The following NTRK2 variants were observed in gnomAD, a reference collection of about 807,000 sequenced individuals.
The protein encoded by NTRK2 is BDNF/NT-3 growth factors receptor.
A neutral mutation model predicts 94.5 loss-of-function variants in NTRK2; 13 were observed. The observed-to-expected ratio is 0.14, with a 90% confidence interval of 0.09 to 0.22. The LOEUF (loss-of-function observed/expected upper bound fraction) is 0.22, where lower values mean the gene tolerates loss of function less well. Ranked by LOEUF, NTRK2 falls within the 10% of genes least tolerant of loss-of-function variation. The probability of loss-of-function intolerance (pLI) is 1.00; values close to 1 mark genes in which losing one functional copy is unlikely to be tolerated. For missense variants in NTRK2, 639 were observed against 1,071.2 expected, an observed-to-expected ratio of 0.60 and a Z score of 5.63; for synonymous variants, 372 against 407.4, an observed-to-expected ratio of 0.91 and a Z score of 1.05.
At chr9:84,906,183 G>A (rs1036633881) in intron 14 of NTRK2, among the ~76,000 whole-genome samples, 3 of 152,082 alleles carry the variant, frequency 2.0e-5, no homozygotes, top group Admixed American at 2.0e-4. Flanking sequence ...AATGTGTAAA[G>A]AGGAAAAAAT....
At chr9:84,995,909 C>A (rs1379159266) in intron 17 of NTRK2, among the ~76,000 whole-genome samples, 5 of 152,180 alleles carry the variant, frequency 3.3e-5, no homozygotes, top group Non-Finnish European at 7.4e-5. Flanking sequence ...CATATGGATT[C>A]TTGAGAACCT....
intron 10 of NTRK2, among the ~76,000 whole-genome samples, chr9:84,744,666 A>G (rs924863734): frequency 2.0e-4 from 31 of 152,170 alleles, no homozygotes; most frequent in Non-Finnish European, 8.8e-5. Flanking sequence ...TACTTGTTTT[A>G]AATATGCCAT....
rs144608563 is a variant in NTRK2 at position 84,948,338 on chromosome 9, G to A, written c.1765-124G>A. On this transcript the variant is annotated intron_variant, in intron 15 of 18. Transcript: ENST00000277120. ...TTATTCCTCAGTTATTAGCACAAAT[G>A]TTATTTCCTTAGGAACTAGGCTGTT... The A allele has an allele frequency of 8.5e-4, 850 of 1,004,152 alleles. 4 individuals carry two copies. Among genetic ancestry groups the A allele is most frequent in the Middle Eastern group, 3.9e-3 (19 of 4,928 alleles). The allele number at this position is 1,004,152 out of a possible 1,614,324, so 62.2% of individuals were successfully genotyped here.
At chr9:84,954,363 C>T (rs1279288076) in intron 16 of NTRK2, among the ~76,000 whole-genome samples, 3 of 152,192 alleles carry the variant, frequency 2.0e-5, no homozygotes, top group Admixed American at 2.0e-4. Flanking sequence ...CGCGGATCCT[C>T]CCACCCTTGC....
chr9:84,776,500 G>A (rs367896919), intron 12 of NTRK2, among the ~76,000 whole-genome samples: 105 of 152,326 alleles, frequency 6.9e-4, no homozygotes, highest in African/African-American at 2.3e-3. Flanking sequence ...GGGATTACAG[G>A]TGTGAGCCAC....
chr9:84,712,899 A>G (rs2061499573), intron 6 of NTRK2, among the ~76,000 whole-genome samples: 1 of 151,992 alleles, frequency 6.6e-6, no homozygotes, highest in South Asian at 2.1e-4. Flanking sequence ...CTTATTTTCC[A>G]TTTTTTCAAT....
At chr9:84,961,045 G>A (rs1033088754) in intron 17 of NTRK2, among the ~76,000 whole-genome samples, 3 of 152,142 alleles carry the variant, frequency 2.0e-5, no homozygotes, top group Admixed American at 1.3e-4. Context: ...AGGAATATAG[G>A]ACCATCCCTA....
At chr9:84,874,630 G>T in intron 14 of NTRK2, 1 of 1,061,760 alleles carries the variant, frequency 9.4e-7, no homozygotes, top group African/African-American at 1.6e-5. Flanking sequence ...GAAGGAAATG[G>T]GGAGAGAGCT....
Position 84,670,567 on chromosome 9 carries a change from C to CT in NTRK2, c.-181dup. 1.5e-6 allele frequency: 1 copy of CT among 657,032 alleles called. No homozygotes were observed. The highest frequency in any genetic ancestry group is 2.7e-6 in the Non-Finnish European group (1 of 374,942). The allele number at this position is 657,032 out of a possible 1,614,324, so 40.7% of individuals were successfully genotyped here. ...CCGGGGCCACTGTGAACCCTGCCGCCTGCCGGAACACTCTTCGCTCCGGAC... is the reference window on the plus strand; with the variant it reads ...CCGGGGCCACTGTGAACCCTGCCGCCTTGCCGGAACACTCTTCGCTCCGGAC... On this transcript the variant is annotated 5_prime_UTR_variant, in exon 2 of 19. Transcript: ENST00000277120.
intron 14 of NTRK2, among the ~76,000 whole-genome samples, chr9:84,931,881 G>A (rs990515502): frequency 6.6e-6 from 1 of 152,070 alleles, no homozygotes; most frequent in African/African-American, 2.4e-5. Flanking sequence ...AATTACATTT[G>A]TGTCTTTATA....
rs1210342534 is a variant in NTRK2, at chr9:85,025,732, T to C, written c.*4295T>C. 1 of 233,126 alleles carries C rather than the reference T, an allele frequency of 4.3e-6. No individual in the cohort carries two copies. The highest frequency in any genetic ancestry group is 8.5e-6 in the Non-Finnish European group (1 of 118,006). 14.4% of individuals were successfully genotyped at this position (233,126 alleles called of 1,614,324 possible). A position where few individuals can be genotyped will look rare whatever the true frequency, so the allele number is the denominator to read the frequency against. Reference sequence around the variant, plus strand: ...GACTTTTATTTTCAATGTTGACCTTTGGTTTGGCCATATATCACTGTTATA... The same window carrying C: ...GACTTTTATTTTCAATGTTGACCTTCGGTTTGGCCATATATCACTGTTATA... On this transcript the variant is annotated 3_prime_UTR_variant, in exon 19 of 19. Coordinates refer to ENST00000277120, the MANE Select transcript of NTRK2 (RefSeq NM_006180.6).
chr9:84,761,377 T>C (rs926423456), intron 12 of NTRK2, among the ~76,000 whole-genome samples: 11 of 152,174 alleles, frequency 7.2e-5, no homozygotes, highest in African/African-American at 2.7e-4. Flanking sequence ...TTGTCAACTT[T>C]AGAAGTCCTG....
chr9:84,707,167 A>G (rs1564095008), intron 4 of NTRK2, among the ~76,000 whole-genome samples: 1 of 151,408 alleles, frequency 6.6e-6, no homozygotes, highest in East Asian at 1.9e-4. Context: ...GTAAATTATT[A>G]TTTTTTTTAG....
intron 17 of NTRK2, among the ~76,000 whole-genome samples, chr9:85,007,967 CCTT>C (rs1354793505): frequency 6.6e-6 from 1 of 152,142 alleles, no homozygotes. Flanking sequence ...GTGGCTAACA[CCTT>C]CTTCACAGAA....
rs536698982 is a variant in NTRK2 at position 84,727,979 on chromosome 9, G to T, written c.1159+20G>T. On this transcript the variant is annotated intron_variant, in intron 9 of 18. Coordinates refer to ENST00000277120, the MANE Select transcript of NTRK2 (RefSeq NM_006180.6). ...ACGATGGTGAGTAACTGACACTTTT[G>T]TATGTGGGGAGAAGATAAAGTCTAT... The T allele has an allele frequency of 6.2e-7, 1 of 1,607,904 alleles. No homozygotes were observed. Among genetic ancestry groups the T allele is most frequent in the South Asian group, 1.1e-5 (1 of 90,898 alleles).
chr9:84,699,431 T>C (rs989896172), intron 2 of NTRK2, among the ~76,000 whole-genome samples: 14 of 152,328 alleles, frequency 9.2e-5, no homozygotes, highest in Middle Eastern at 3.4e-3. Context: ...GCCCCCACAG[T>C]AGAAGCGTAT....
intron 12 of NTRK2, among the ~76,000 whole-genome samples, chr9:84,835,557 C>A (rs934642806): frequency 6.6e-6 from 1 of 151,634 alleles, no homozygotes. Context: ...ACAACAACAA[C>A]AAAAATGCAC....
intron 4 of NTRK2, among the ~76,000 whole-genome samples, chr9:84,703,933 T>C (rs2060885277): frequency 6.6e-6 from 1 of 152,232 alleles, no homozygotes; most frequent in South Asian, 2.1e-4. Flanking sequence ...AATGCTCTAA[T>C]GCAGTCACTT....
chr9:84,673,056 A>C (rs2058800298), intron 2 of NTRK2, among the ~76,000 whole-genome samples: 1 of 152,204 alleles, frequency 6.6e-6, no homozygotes, highest in African/African-American at 2.4e-5. Flanking sequence ...AGAACAGGGA[A>C]TTAGGTTAGT....
Sources: gnomAD v4.1 joint callset for allele counts (sites outside exome capture counted in the v4.1 genomes callset) on GRCh38, gnomAD v4.1.1 for gene constraint, MANE v1.5 for transcripts, NCBI Gene and HGNC (gene_info 2026-07-23, HGNC 2026-07-21) for gene names.